The following PTPRD variants were observed in gnomAD, a reference collection of about 807,000 sequenced individuals.
PTPRD encodes the protein receptor-type tyrosine-protein phosphatase delta.
In PTPRD, 34 loss-of-function variants were observed where a neutral mutation model predicts 214.5. That is an observed-to-expected ratio of 0.16 (90% CI 0.12 to 0.21). The LOEUF (loss-of-function observed/expected upper bound fraction) is 0.21. PTPRD is among the 10% of genes least tolerant of loss of function. The pLI is 1.00. For synonymous variants in PTPRD, 1,128 were observed against 845.7 expected, an observed-to-expected ratio of 1.33 and a Z score of -5.79; for missense variants, 2,545 against 2,398.7, an observed-to-expected ratio of 1.06 and a Z score of -1.27.
chr9:8,333,848 G>A (rs1049783317), intron 43 of PTPRD, among the ~76,000 whole-genome samples: 1 of 149,828 alleles, frequency 6.7e-6, no homozygotes, highest in African/African-American at 2.5e-5. Flanking sequence ...CCAAGCAAAT[G>A]GAAGGCAAAA....
At chr9:9,539,786 G>C (rs1365354363) in intron 8 of PTPRD, among the ~76,000 whole-genome samples, 1 of 151,764 alleles carries the variant, frequency 6.6e-6, no homozygotes, top group Non-Finnish European at 1.5e-5. Context: ...TCAGCATATA[G>C]GAAAAGCATT....
At chr9:8,528,956 C>T (rs1334242820) in intron 14 of PTPRD, among the ~76,000 whole-genome samples, 177 bp from the exon 15 acceptor site, 1 of 152,088 alleles carries the variant, frequency 6.6e-6, no homozygotes, top group Non-Finnish European at 1.5e-5. Flanking sequence ...AGAGTAAACA[C>T]TCTATGTAAG....
At chr9:9,239,509 T>G (rs750392037) in intron 9 of PTPRD, among the ~76,000 whole-genome samples, 66 of 152,090 alleles carry the variant, frequency 4.3e-4, no homozygotes, top group Non-Finnish European at 4.3e-4. Context: ...AGAAAAAAAT[T>G]ACCCTTAACA....
intron 34 of PTPRD, among the ~76,000 whole-genome samples, chr9:8,439,023 T>C (rs1350870453): frequency 6.6e-6 from 1 of 152,154 alleles, no homozygotes; most frequent in African/African-American, 2.4e-5. Context: ...TCAGAATATA[T>C]ATACATATAT....
intron 5 of PTPRD, among the ~76,000 whole-genome samples, chr9:9,867,991 C>T (rs1350246237): frequency 6.6e-6 from 1 of 152,100 alleles, no homozygotes; most frequent in Non-Finnish European, 1.5e-5. Flanking sequence ...TAGACTAATT[C>T]CTTTCCCCTC....
intron 9 of PTPRD, among the ~76,000 whole-genome samples, chr9:9,208,989 T>C (rs942417673): frequency 6.6e-6 from 1 of 152,062 alleles, no homozygotes; most frequent in African/African-American, 2.4e-5. Context: ...TTTGTGCTTT[T>C]AGTAGAGACA....
At chr9:9,433,664 C>A (rs1467521098) in intron 8 of PTPRD, among the ~76,000 whole-genome samples, 1 of 152,100 alleles carries the variant, frequency 6.6e-6, no homozygotes, top group African/African-American at 2.4e-5. Flanking sequence ...TGATACTTCA[C>A]AAAATAGATT....
chr9:9,956,761 T>C (rs1220914957), intron 4 of PTPRD, among the ~76,000 whole-genome samples: 1 of 152,186 alleles, frequency 6.6e-6, no homozygotes, highest in Non-Finnish European at 1.5e-5. Context: ...TTAGCATTAA[T>C]AAATCACAAG....
chr9:9,289,552 A>G (rs1375501648), intron 9 of PTPRD, among the ~76,000 whole-genome samples: 1 of 151,800 alleles, frequency 6.6e-6, no homozygotes, highest in Non-Finnish European at 1.5e-5. Context: ...TATTCATCAT[A>G]CTGTAAATTA....
At chr9:9,910,081 T>C (rs1601795903) in intron 5 of PTPRD, among the ~76,000 whole-genome samples, 1 of 151,932 alleles carries the variant, frequency 6.6e-6, no homozygotes, top group Non-Finnish European at 1.5e-5. Context: ...TACTACTTTC[T>C]TGACATCTTG....
At chr9:9,262,783 T>A (rs772029120) in intron 9 of PTPRD, among the ~76,000 whole-genome samples, 2 of 151,694 alleles carry the variant, frequency 1.3e-5, no homozygotes, top group Non-Finnish European at 3.0e-5. Context: ...TATGAATACA[T>A]AAAACAATTA....
At position 8,436,702 on chromosome 9, in the gene PTPRD, G is replaced by C. The variant is rs747692459; in HGVS notation, c.3989-13C>G. ...TGGCTAGCCATACCTATTGAAAAAA[G>C]CAAAGAAGAAACACATTTGAAAACA... is the stretch of plus-strand genomic sequence containing the variant. On this transcript the variant is annotated splice_polypyrimidine_tract_variant and intron_variant, in intron 34 of 45. Coordinates refer to ENST00000381196, the MANE Select transcript of PTPRD (RefSeq NM_002839.4). 1 of 1,591,396 alleles carries C rather than the reference G, an allele frequency of 6.3e-7. No homozygotes were observed. The highest frequency in any genetic ancestry group is 8.6e-7 in the Non-Finnish European group (1 of 1,161,052).
rs141755997 is a variant in PTPRD at position 9,224,323 on chromosome 9, G to A, written c.-202-40960C>T. 4.2e-3 allele frequency among the ~76,000 whole-genome samples: 646 copies of A among 152,080 alleles called. 2 individuals carry two copies. Among genetic ancestry groups the A allele is most frequent in the African/African-American group, 0.014 (567 of 41,526 alleles). On this transcript the variant is annotated intron_variant, in intron 9 of 45. Coordinates refer to ENST00000381196, the MANE Select transcript of PTPRD (RefSeq NM_002839.4). ...TATTATGTGTATGGGGAGGGAGAAA[G>A]GGAAAGGCCATTTCAGGAAAATTTT...
intron 5 of PTPRD, among the ~76,000 whole-genome samples, chr9:9,782,994 A>G (rs1434510628): frequency 2.0e-5 from 3 of 152,202 alleles, no homozygotes; most frequent in East Asian, 3.9e-4. Flanking sequence ...ATCTAAATAC[A>G]TGAAAGTAAC....
At position 9,570,358 on chromosome 9, in the gene PTPRD, C is replaced by T. The variant is rs564988591; in HGVS notation, c.-237+4374G>A. 6.6e-5 allele frequency among the ~76,000 whole-genome samples: 10 copies of T among 151,476 alleles called. No homozygotes were observed. The East Asian group carries it at 1.7e-3, about 26-fold the overall frequency. On this transcript the variant is annotated intron_variant, in intron 8 of 45. Transcript: ENST00000381196. ...TTCATGCAGGATGTTACTTGTATGT[C>T]GTTTAACTTCATTTTTCCCCAAGCC...
At chr9:9,883,722 C>T (rs563968740) in intron 5 of PTPRD, among the ~76,000 whole-genome samples, 12 of 152,096 alleles carry the variant, frequency 7.9e-5, no homozygotes, top group Non-Finnish European at 1.6e-4. Flanking sequence ...CTTTTATTAC[C>T]AGTATTAAAA....
chr9:8,887,917 A>G (rs1013940096), intron 11 of PTPRD, among the ~76,000 whole-genome samples: 2 of 152,098 alleles, frequency 1.3e-5, no homozygotes, highest in African/African-American at 2.4e-5. Flanking sequence ...AACTTACAGG[A>G]AGAACCATCT....
intron 44 of PTPRD, among the ~76,000 whole-genome samples, chr9:8,329,515 G>C (rs140681281): frequency 1.3e-5 from 2 of 152,286 alleles, no homozygotes; most frequent in Non-Finnish European, 2.9e-5. Context: ...TGAGGAGAGA[G>C]TCTGTCCCTT....
rs1435433201 is a variant in PTPRD at position 9,628,668 on chromosome 9, C to A, written c.-286-53887G>T. ...GAAATATTGAAAGAAACAGACATTC[C>A]CAATTCCAACCTCCTTCTTAGTAAT... On this transcript the variant is annotated intron_variant, in intron 7 of 45. Transcript: ENST00000381196. Among the ~76,000 whole-genome samples, 4 of 151,826 alleles carry A rather than the reference C, an allele frequency of 2.6e-5. No homozygotes were observed. The South Asian group carries it at 8.3e-4, about 32-fold the overall frequency.
Sources: gnomAD v4.1 joint callset for allele counts (sites outside exome capture counted in the v4.1 genomes callset) on GRCh38, gnomAD v4.1.1 for gene constraint, MANE v1.5 for transcripts, NCBI Gene and HGNC (gene_info 2026-07-23, HGNC 2026-07-21) for gene names.